Variants in GRM5 observed in about 807,000 individuals in gnomAD.
GRM5 encodes the protein glutamate metabotropic receptor 5.
GRM5 carries 19 observed loss-of-function variants against 83.1 expected under a neutral mutation model. The ratio of observed to expected loss-of-function variants is 0.23; its 90% CI spans 0.16 to 0.34. The LOEUF is 0.34. Ranked by LOEUF, GRM5 falls within the 10% of genes least tolerant of loss-of-function variation. The pLI is 1.00. For missense variants in GRM5, 1,160 were observed against 1,588.3 expected (o/e 0.73, Z 4.58); for synonymous variants, 675 against 633.6 (o/e 1.07, Z -0.98).
At chr11:88,588,642 AGGTCGCAGTTAATTTT>A (rs1937593060) in intron 7 of GRM5, among the ~76,000 whole-genome samples, 1 of 152,170 alleles carries the variant, frequency 6.6e-6, no homozygotes, top group Non-Finnish European at 1.5e-5. Context: ...TTTATAATTT[AGGTCGCAGTTAATTTT>A]TACTTCTTCA....
rs1400236080 is a variant in GRM5 at position 88,505,994 on chromosome 11, T to A, written c.*2598A>T. ...GTTAGCATCATTCCAAAATAAAAGA[T>A]CTCAAGAATGCATTACTAATAATCT... is the stretch of plus-strand genomic sequence containing the variant. On this transcript the variant is annotated 3_prime_UTR_variant, in exon 10 of 10. Transcript: ENST00000305447. The A allele has an allele frequency of 1.3e-5, 2 of 152,140 alleles. No homozygotes were observed. The highest frequency in any genetic ancestry group is 2.9e-5 in the Non-Finnish European group (2 of 68,022). The allele number at this position is 152,140 out of a possible 1,614,324, so 9.4% of individuals were successfully genotyped here.
rs142425794 is a variant in GRM5 at position 88,954,769 on chromosome 11, T to G, written c.661+92443A>C. Among the ~76,000 whole-genome samples, 1,162 of 152,300 alleles carry G rather than the reference T, an allele frequency of 7.6e-3. 13 individuals carry two copies. Among genetic ancestry groups the G allele is most frequent in the African/African-American group, 0.02 (829 of 41,574 alleles). On this transcript the variant is annotated intron_variant, in intron 2 of 9. Transcript: ENST00000305447. ...TCTGTCCTGTAATCACCTGGCTGATTTTGTTACCATTGTTGGCATGATAAA... is the reference window on the plus strand; with the variant it reads ...TCTGTCCTGTAATCACCTGGCTGATGTTGTTACCATTGTTGGCATGATAAA...
chr11:88,682,970 G>T (rs1940532465), intron 3 of GRM5, among the ~76,000 whole-genome samples: 1 of 151,096 alleles, frequency 6.6e-6, no homozygotes. Flanking sequence ...GACATGTTAG[G>T]CAACCATTTC....
At chr11:88,886,361 G>T (rs1246961677) in intron 2 of GRM5, among the ~76,000 whole-genome samples, 1 of 152,168 alleles carries the variant, frequency 6.6e-6, no homozygotes, top group African/African-American at 2.4e-5. Context: ...GAGTAGAGGA[G>T]CAGACTCCAA....
intron 5 of GRM5, among the ~76,000 whole-genome samples, chr11:88,603,843 G>T (rs1938069091): frequency 1.3e-5 from 2 of 152,206 alleles, no homozygotes; most frequent in South Asian, 4.1e-4. Context: ...TTTTGGCAGG[G>T]TCAACTACAA....
At chr11:88,983,771 C>A (rs1311646606) in intron 2 of GRM5, among the ~76,000 whole-genome samples, 2 of 151,850 alleles carry the variant, frequency 1.3e-5, no homozygotes, top group Non-Finnish European at 2.9e-5. Context: ...GGACGTATTC[C>A]AGAATAAGGC....
chr11:88,929,309 A>C (rs1041300154), intron 2 of GRM5, among the ~76,000 whole-genome samples: 2 of 152,262 alleles, frequency 1.3e-5, no homozygotes, highest in African/African-American at 4.8e-5. Flanking sequence ...CAATAATAAA[A>C]ATATGCTTTG....
chr11:88,605,613 A>T (rs1300778957), intron 4 of GRM5, among the ~76,000 whole-genome samples: 1 of 152,210 alleles, frequency 6.6e-6, no homozygotes, highest in Non-Finnish European at 1.5e-5. Flanking sequence ...TGATTTGAAC[A>T]TGGAGCTTGT....
intron 2 of GRM5, among the ~76,000 whole-genome samples, chr11:88,924,417 G>T (rs1338346951): frequency 6.6e-6 from 1 of 152,028 alleles, no homozygotes. Context: ...GTGTCCATCA[G>T]TGGATAAATA....
chr11:88,986,607 C>T (rs1939719902), intron 2 of GRM5, among the ~76,000 whole-genome samples: 1 of 147,936 alleles, frequency 6.8e-6, no homozygotes, highest in African/African-American at 2.7e-5. Context: ...TTAAACCCTT[C>T]CTAGATATGT....
intron 4 of GRM5, among the ~76,000 whole-genome samples, chr11:88,635,382 T>C (rs1939089987): frequency 6.6e-6 from 1 of 152,206 alleles, no homozygotes; most frequent in Admixed American, 6.5e-5. Flanking sequence ...TGTGAGATGA[T>C]ATCTCATTGT....
chr11:88,538,090 A>G (rs1942177240), intron 8 of GRM5, among the ~76,000 whole-genome samples: 1 of 145,214 alleles, frequency 6.9e-6, no homozygotes, highest in Admixed American at 6.9e-5. Context: ...TCAATGTTAT[A>G]GAAAACAGAA....
At chr11:88,622,654 A>G (rs1022676800) in intron 4 of GRM5, among the ~76,000 whole-genome samples, 3 of 152,184 alleles carry the variant, frequency 2.0e-5, no homozygotes, top group African/African-American at 7.2e-5. Flanking sequence ...TTTAATCAAA[A>G]CATGATATAT....
At chr11:88,804,746 C>A (rs2135490606) in intron 3 of GRM5, among the ~76,000 whole-genome samples, 1 of 152,080 alleles carries the variant, frequency 6.6e-6, no homozygotes, top group South Asian at 2.1e-4. Context: ...TGCAGGTTCT[C>A]ACTTGTAAGT....
At chr11:88,899,710 A>G (rs2135594286) in intron 2 of GRM5, among the ~76,000 whole-genome samples, 1 of 152,198 alleles carries the variant, frequency 6.6e-6, no homozygotes, top group South Asian at 2.1e-4. Context: ...TGAAGTGGGA[A>G]TAAGCCCACA....
rs115703049 is a variant in GRM5 at position 88,695,594 on chromosome 11, G to C, written c.912-42191C>G. ...CATATGAGTCTAACAAGATGACTTA[G>C]ATTAAATTCACTTTTATATTTGAAT... On this transcript the variant is annotated intron_variant, in intron 3 of 9. Coordinates refer to ENST00000305447, the MANE Select transcript of GRM5 (RefSeq NM_001143831.3). Among the ~76,000 whole-genome samples, 1,314 of 152,286 alleles carry C rather than the reference G, an allele frequency of 8.6e-3. 16 individuals are homozygous for C. The highest frequency in any genetic ancestry group is 0.029 in the African/African-American group (1,223 of 41,566).
At chr11:88,943,765 A>G (rs1280087563) in intron 2 of GRM5, among the ~76,000 whole-genome samples, 4 of 152,054 alleles carry the variant, frequency 2.6e-5, no homozygotes, top group Non-Finnish European at 5.9e-5. Context: ...AATATCATTC[A>G]TATATCCAGA....
At chr11:88,981,213 A>T (rs1939510435) in intron 2 of GRM5, among the ~76,000 whole-genome samples, 1 of 152,176 alleles carries the variant, frequency 6.6e-6, no homozygotes, top group Non-Finnish European at 1.5e-5. Flanking sequence ...ACACTTTGTT[A>T]ATATTTTAGA....
chr11:88,709,635 A>G (rs1055019555), intron 3 of GRM5, among the ~76,000 whole-genome samples: 8 of 152,100 alleles, frequency 5.3e-5, no homozygotes, highest in African/African-American at 1.9e-4. Flanking sequence ...CATGCTCTAG[A>G]CATGAATCTG....
Sources: allele counts gnomAD v4.1 joint callset (sites outside exome capture counted in the v4.1 genomes callset), GRCh38; gene constraint gnomAD v4.1.1; transcripts MANE v1.5; gene names NCBI Gene and HGNC (gene_info 2026-07-23, HGNC 2026-07-21).